HDAC5: variants seen among roughly 807,000 people sequenced by gnomAD.
HDAC5 encodes the protein histone deacetylase 5, also known as antigen NY-CO-9.
HDAC5 carries 25 observed loss-of-function variants against 133.3 expected under a neutral mutation model. That is an observed-to-expected ratio of 0.19 (90% CI 0.14 to 0.26). The LOEUF (loss-of-function observed/expected upper bound fraction) is 0.26. HDAC5 is among the 10% of genes least tolerant of loss of function. The pLI is 1.00. For synonymous variants in HDAC5, 589 were observed against 610.8 expected (o/e 0.96, Z 0.53); for missense variants, 1,041 against 1,460.5 (o/e 0.71, Z 4.68).
intron 3 of HDAC5, among the ~76,000 whole-genome samples, chr17:44,099,515 C>T (rs1011787523): frequency 6.6e-5 from 10 of 151,442 alleles, no homozygotes; most frequent in Admixed American, 6.6e-4. Context: ...CGCTCTGTTG[C>T]CCAGGCTGGA....
chr17:44,092,823 G>GCCCC lies in HDAC5; in HGVS notation c.642-18_642-17insGGGG. ...TGGGCTCCCCTGGGGTGGGGGGGGG[G>GCCCC]TGGGGATGGAAGCAGATCTAGGTTA... On this transcript the variant is annotated splice_polypyrimidine_tract_variant and intron_variant, in intron 6 of 26. Transcript: ENST00000682912. The GCCCC allele has an allele frequency of 1.5e-6, 1 of 666,256 alleles. No homozygotes were observed. 41.3% of individuals were successfully genotyped at this position (666,256 alleles called of 1,614,324 possible). A position where few individuals can be genotyped will look rare whatever the true frequency, so the allele number is the denominator to read the frequency against.
At chr17:44,119,528 C>A (rs566939965) in intron 1 of HDAC5, among the ~76,000 whole-genome samples, 1 of 152,350 alleles carries the variant, frequency 6.6e-6, no homozygotes, top group African/African-American at 2.4e-5. Context: ...AAGGGAGCAG[C>A]TCCTTGAACT....
chr17:44,091,855 G>A, intron 9 of HDAC5, 24 bp from the exon 10 acceptor site: 2 of 1,528,882 alleles, frequency 1.3e-6, no homozygotes, highest in South Asian at 1.3e-5. Flanking sequence ...AGAAGAGACA[G>A]GCATGAGAGT....
At chr17:44,094,959 C>G (rs1447994707) in intron 3 of HDAC5, among the ~76,000 whole-genome samples, 1 of 151,832 alleles carries the variant, frequency 6.6e-6, no homozygotes, top group African/African-American at 2.4e-5. Flanking sequence ...ATGCACCAGG[C>G]TAATTTTTAA....
chr17:44,103,223 A>G (rs959189089), intron 3 of HDAC5, among the ~76,000 whole-genome samples: 1 of 152,054 alleles, frequency 6.6e-6, no homozygotes, highest in Non-Finnish European at 1.5e-5. Flanking sequence ...ACCCCTCCCC[A>G]CCAAGGACAG....
At chr17:44,091,189 A>G (rs538355521) in intron 11 of HDAC5, 81 bp downstream of exon 11, 3 of 1,030,422 alleles carry the variant, frequency 2.9e-6, no homozygotes, top group African/African-American at 3.2e-5. Context: ...GCTAAGGGGA[A>G]CTGTGACAGG....
At chr17:44,118,293 G>A (rs1254428694) in intron 1 of HDAC5, among the ~76,000 whole-genome samples, 2 of 152,224 alleles carry the variant, frequency 1.3e-5, no homozygotes, top group African/African-American at 4.8e-5. Context: ...GAAAGTCAGA[G>A]ACCTCTCCAT....
rs941161470 is a variant in HDAC5, at chr17:44,123,620, C to T, written c.-306G>A. On this transcript the variant is annotated 5_prime_UTR_variant, in exon 1 of 27. Coordinates refer to ENST00000682912, the MANE Select transcript of HDAC5 (RefSeq NM_005474.5). ...TTGCGGCGGCTCCTCCGGCTCCGCT[C>T]GCCGCCGCCACCAACAACAACATTC... The T allele has an allele frequency of 5.0e-5, 20 of 396,618 alleles. No homozygotes were observed. Among genetic ancestry groups the T allele is most frequent in the Non-Finnish European group, 8.0e-5 (18 of 224,870 alleles). The allele number at this position is 396,618 out of a possible 1,614,324, so 24.6% of individuals were successfully genotyped here.
chr17:44,117,448 T>G lies in HDAC5; in HGVS notation c.22+46A>C. ...AGGGAAACCCACACAGCCCATTGCA[T>G]CCGAAGCTACCCCAGGGTGCTCTTC... is the stretch of plus-strand genomic sequence containing the variant. On this transcript the variant is annotated intron_variant, in intron 2 of 26. Transcript: ENST00000682912. The surrounding 1 kb of genome is among the most constrained non-coding windows in gnomAD (Gnocchi z 4.2). 6.2e-7 allele frequency: 1 copy of G among 1,610,616 alleles called. No homozygotes were observed. The highest frequency in any genetic ancestry group is 8.5e-7 in the Non-Finnish European group (1 of 1,176,840).
chr17:44,087,330 G>C, intron 13 of HDAC5, 82 bp downstream of exon 13: 1 of 689,760 alleles, frequency 1.4e-6, no homozygotes, highest in Admixed American at 2.2e-5. Flanking sequence ...AGATGGGGGA[G>C]AGGGAAAGAC....
intron 3 of HDAC5, among the ~76,000 whole-genome samples, chr17:44,101,218 A>C (rs192607409): frequency 6.6e-6 from 1 of 151,284 alleles, no homozygotes; most frequent in Non-Finnish European, 1.5e-5. Flanking sequence ...ACCCTGGCTA[A>C]CACGGTGAAA....
In HDAC5 at chr17:44,080,108, T is replaced by G; in HGVS notation, c.2943A>C (p.Arg981Ser). The change falls in exon 23 of 27, where the codon AGA becomes AGC. Residue 981 changes from arginine to serine, a missense_variant and splice_region_variant. By Grantham distance (110) the Arg-to-Ser change is moderately radical. Transcript: ENST00000682912. ...CCCTCAATCCCCCAGCAGGCTTACA[T>G]CTGGCGGTGACAGAGTAGCCACCCA... ...SPLGGYSVTA[R>S]CFGHLTRQLM... 1 of 1,603,638 alleles carries G rather than the reference T, an allele frequency of 6.2e-7. No homozygotes were observed. The highest frequency in any genetic ancestry group is 8.5e-7 in the Non-Finnish European group (1 of 1,170,776).
chr17:44,118,250 A>T (rs969272006), intron 1 of HDAC5, among the ~76,000 whole-genome samples: 9 of 152,206 alleles, frequency 5.9e-5, no homozygotes, highest in African/African-American at 1.9e-4. Flanking sequence ...TCAACAACAG[A>T]CCAGGACAAG....
chr17:44,083,516 G>T lies in HDAC5; in HGVS notation c.2463+29C>A, dbSNP rs1479976000. 3.2e-6 allele frequency: 5 copies of T among 1,541,038 alleles called. No individual in the cohort carries two copies. In the African/African-American group the frequency reaches 6.8e-5, roughly 21 times the overall value. ...CTCTGAGGAGCAGGGCCATGCCAAG[G>T]GGCACCGAGGTCACAAGCACACGCT... On this transcript the variant is annotated intron_variant, in intron 18 of 26. Transcript: ENST00000682912.
rs1417885735 is a variant in HDAC5, at chr17:44,092,813, T to G, written c.642-7A>C. 0.033 allele frequency: 12,969 copies of G among 397,952 alleles called. No homozygotes were observed. Among genetic ancestry groups the G allele is most frequent in the South Asian group, 0.04 (765 of 18,954 alleles). 24.7% of individuals were successfully genotyped at this position (397,952 alleles called of 1,614,324 possible). A position where few individuals can be genotyped will look rare whatever the true frequency, so the allele number is the denominator to read the frequency against. On this transcript the variant is annotated splice_polypyrimidine_tract_variant and splice_region_variant and intron_variant, in intron 6 of 26. Transcript: ENST00000682912. The stretch of plus-strand genomic sequence containing the variant: ...AGAAGCATGGTGGGCTCCCCTGGGG[T>G]GGGGGGGGGGTGGGGATGGAAGCAG...
At chr17:44,087,823 A>T in intron 12 of HDAC5, 127 bp from the exon 13 acceptor site, 1 of 1,199,234 alleles carries the variant, frequency 8.3e-7, no homozygotes, top group East Asian at 2.5e-5. Flanking sequence ...AATTAGAAAA[A>T]GGTGAGGTAG....
In HDAC5 at chr17:44,080,340, C is replaced by A. The variant is rs537284972; in HGVS notation, c.2825+61G>T. On this transcript the variant is annotated intron_variant, in intron 22 of 26. Coordinates refer to ENST00000682912, the MANE Select transcript of HDAC5 (RefSeq NM_005474.5). ...CACACTGAACTGAGTGCCTTCTGCC[C>A]CTCCCACTGCAGGGCCCAGAGGGGC... The A allele has an allele frequency of 1.9e-4, 291 of 1,572,610 alleles. 1 individual carries two copies. The South Asian group carries it at 2.8e-3, about 15-fold the overall frequency.
At chr17:44,113,698 C>G (rs1432770162) in intron 2 of HDAC5, among the ~76,000 whole-genome samples, 1 of 152,192 alleles carries the variant, frequency 6.6e-6, no homozygotes, top group Non-Finnish European at 1.5e-5. Context: ...CTCTGCCCCT[C>G]CCTCAAAGGC....
chr17:44,122,739 C>A lies in HDAC5; in HGVS notation c.-190+765G>T, dbSNP rs570526170. On this transcript the variant is annotated intron_variant, in intron 1 of 26. Coordinates refer to ENST00000682912, the MANE Select transcript of HDAC5 (RefSeq NM_005474.5). ...GAAGGGTGGGGTGGAGAAGCTGACT[C>A]CCCCCAAGTTAATAAGGCACTGGTA... 1.8e-4 allele frequency among the ~76,000 whole-genome samples: 28 copies of A among 152,136 alleles called. No individual in the cohort carries two copies. In the South Asian group the frequency reaches 4.8e-3, roughly 26 times the overall value.
Sources: allele counts gnomAD v4.1 joint callset (sites outside exome capture counted in the v4.1 genomes callset), GRCh38; gene constraint gnomAD v4.1.1; non-coding constraint Gnocchi (gnomAD v3.1); transcripts MANE v1.5; gene names NCBI Gene and HGNC (gene_info 2026-07-23, HGNC 2026-07-21).